Variants in PPM1E observed in about 807,000 individuals in gnomAD.
PPM1E encodes the protein protein phosphatase 1E.
A neutral mutation model predicts 65.9 loss-of-function variants in PPM1E; 20 were observed. The ratio of observed to expected loss-of-function variants is 0.30; its 90% CI spans 0.21 to 0.44. PPM1E has a LOEUF of 0.44. Ranked by LOEUF, PPM1E falls within the 20% of genes least tolerant of loss-of-function variation. The pLI is 1.00. For synonymous variants in PPM1E, 352 were observed against 374.9 expected (o/e 0.94, Z 0.70); for missense variants, 713 against 953.1 (o/e 0.75, Z 3.32).
chr17:58,762,950 A>T (rs2049837458), intron 1 of PPM1E, among the ~76,000 whole-genome samples: 1 of 152,074 alleles, frequency 6.6e-6, no homozygotes, highest in African/African-American at 2.4e-5. Context: ...TTGAGGTTAA[A>T]CTTAAAACAA....
At chr17:58,806,788 C>T (rs542025296) in intron 1 of PPM1E, among the ~76,000 whole-genome samples, 1 of 151,204 alleles carries the variant, frequency 6.6e-6, no homozygotes, top group East Asian at 1.9e-4. Context: ...CAACCTCCAC[C>T]TCCTGGGTTC....
chr17:58,942,896 C>T (rs561775789), intron 1 of PPM1E, among the ~76,000 whole-genome samples: 14 of 151,944 alleles, frequency 9.2e-5, no homozygotes, highest in African/African-American at 3.1e-4. Flanking sequence ...TGCAGTGGCT[C>T]TCTGTAATCC....
Position 58,977,461 on chromosome 17 carries a change from T to G in PPM1E, c.1211-2513T>G, listed in dbSNP as rs185133524. 5.6e-3 allele frequency among the ~76,000 whole-genome samples: 813 copies of G among 144,580 alleles called. 3 individuals carry two copies. Among genetic ancestry groups the G allele is most frequent in the Middle Eastern group, 0.014 (4 of 278 alleles). The allele number at this position is 144,580 out of a possible 152,430, so 94.9% of individuals were successfully genotyped here. On this transcript the variant is annotated intron_variant, in intron 6 of 6. Coordinates refer to ENST00000308249, the MANE Select transcript of PPM1E (RefSeq NM_014906.5). ...GTCTCAAAAAAAAAAAAAAAAGAAA[T>G]AATGAATGAATGAATGGAGAAGAGC...
chr17:58,827,763 G>A (rs545076043), intron 1 of PPM1E, among the ~76,000 whole-genome samples: 21 of 151,312 alleles, frequency 1.4e-4, no homozygotes, highest in South Asian at 8.4e-4. Context: ...TTAGCCAGGC[G>A]TGGTGGCGCG....
At chr17:58,828,027 T>C (rs1173057351) in intron 1 of PPM1E, among the ~76,000 whole-genome samples, 1 of 151,112 alleles carries the variant, frequency 6.6e-6, no homozygotes, top group Non-Finnish European at 1.5e-5. Context: ...GAGACCAGCT[T>C]GGCCAACATG....
chr17:58,894,288 A>G (rs987840241), intron 1 of PPM1E, among the ~76,000 whole-genome samples: 1 of 152,122 alleles, frequency 6.6e-6, no homozygotes, highest in African/African-American at 2.4e-5. Context: ...AGACCTGGCT[A>G]ATTTTAATGA....
intron 1 of PPM1E, among the ~76,000 whole-genome samples, chr17:58,940,968 C>T (rs1363721664): frequency 6.6e-6 from 1 of 152,234 alleles, no homozygotes; most frequent in Non-Finnish European, 1.5e-5. Context: ...ACCTCAGCCT[C>T]CCAAAGTGTT....
chr17:58,951,277 A>C (rs1046999411), intron 1 of PPM1E: 1 of 152,200 alleles, frequency 6.6e-6, no homozygotes, highest in African/African-American at 2.4e-5. Context: ...CCTATAGTGC[A>C]TTATGCTAAT....
chr17:58,948,580 A>G (rs1187798947), intron 1 of PPM1E, among the ~76,000 whole-genome samples: 1 of 152,234 alleles, frequency 6.6e-6, no homozygotes, highest in Non-Finnish European at 1.5e-5. Flanking sequence ...GAAAAAGAAA[A>G]TGTTTAACGC....
intron 1 of PPM1E, among the ~76,000 whole-genome samples, chr17:58,916,299 A>G (rs1415472167): frequency 6.6e-6 from 1 of 152,214 alleles, no homozygotes; most frequent in East Asian, 1.9e-4. Flanking sequence ...ATAAATTTTG[A>G]ATAAATAGAA....
At chr17:58,925,465 G>A (rs1476016759) in intron 1 of PPM1E, among the ~76,000 whole-genome samples, 1 of 151,880 alleles carries the variant, frequency 6.6e-6, no homozygotes, top group Non-Finnish European at 1.5e-5. Flanking sequence ...TTTTGAGAGG[G>A]AGTCTCGCTC....
chr17:58,904,575 G>C (rs1342841202), intron 1 of PPM1E, among the ~76,000 whole-genome samples: 2 of 152,080 alleles, frequency 1.3e-5, no homozygotes, highest in East Asian at 1.9e-4. Context: ...GGGTTGTGTT[G>C]AATTTATAGA....
At chr17:58,935,029 GA>G (rs1196137809) in intron 1 of PPM1E, among the ~76,000 whole-genome samples, 7 of 151,352 alleles carry the variant, frequency 4.6e-5, no homozygotes, top group African/African-American at 1.7e-4. Flanking sequence ...GAGACGGGCA[GA>G]TCACAAGGTC....
intron 1 of PPM1E, among the ~76,000 whole-genome samples, chr17:58,764,098 T>C: frequency 6.6e-6 from 1 of 151,980 alleles, no homozygotes. Context: ...ATGTAATCCA[T>C]ATTAAGATAT....
intron 1 of PPM1E, among the ~76,000 whole-genome samples, chr17:58,877,292 C>A (rs1163810229): frequency 1.3e-5 from 2 of 152,004 alleles, no homozygotes; most frequent in African/African-American, 4.8e-5. Flanking sequence ...GGATAAGGTT[C>A]CCTAAAAGAG....
At chr17:58,805,313 C>T (rs1362948751) in intron 1 of PPM1E, among the ~76,000 whole-genome samples, 1 of 152,062 alleles carries the variant, frequency 6.6e-6, no homozygotes, top group South Asian at 2.1e-4. Flanking sequence ...TGCAATGCCG[C>T]GATCTCGGCT....
intron 1 of PPM1E, chr17:58,835,822 T>G (rs980695248): frequency 1.3e-5 from 2 of 152,220 alleles, no homozygotes; most frequent in African/African-American, 4.8e-5. Context: ...TGAGCTATGA[T>G]CATGCCACTG....
intron 1 of PPM1E, among the ~76,000 whole-genome samples, chr17:58,895,342 C>T (rs2051399252): frequency 6.6e-6 from 1 of 152,142 alleles, no homozygotes; most frequent in Admixed American, 6.6e-5. Flanking sequence ...AAGGAAAAGT[C>T]ACGTCTCTCA....
At position 58,801,842 on chromosome 17, in the gene PPM1E, C is replaced by T. The variant is rs142759756; in HGVS notation, c.464+45381C>T. Among the ~76,000 whole-genome samples, 175 of 151,994 alleles carry T rather than the reference C, an allele frequency of 1.2e-3. 1 individual carries two copies. The highest frequency in any genetic ancestry group is 4.0e-3 in the African/African-American group (164 of 41,462). ...CATGATCTCGGCTCACTGCATTTTC[C>T]GCCTTCTGGGTTTAAGCTATTCTTG... On this transcript the variant is annotated intron_variant, in intron 1 of 6. Coordinates refer to ENST00000308249, the MANE Select transcript of PPM1E (RefSeq NM_014906.5).
Sources: allele counts gnomAD v4.1 joint callset (sites outside exome capture counted in the v4.1 genomes callset), GRCh38; gene constraint gnomAD v4.1.1; transcripts MANE v1.5; gene names NCBI Gene and HGNC (gene_info 2026-07-23, HGNC 2026-07-21).